The following SETD5 variants were observed in gnomAD, a reference collection of about 807,000 sequenced individuals.
The protein encoded by SETD5 is SET domain containing 5, also known as histone-lysine N-methyltransferase SETD5.
SETD5 carries 44 observed loss-of-function variants against 153.3 expected under a neutral mutation model. The observed-to-expected ratio is 0.29, with a 90% confidence interval of 0.23 to 0.37. The LOEUF is 0.37. SETD5 is among the 10% of genes least tolerant of loss of function. The pLI is 1.00. For missense variants in SETD5, 1,544 were observed against 1,768.0 expected (o/e 0.87, Z 2.27); for synonymous variants, 716 against 645.2 (o/e 1.11, Z -1.66).
At chr3:9,413,305 A>C (rs757640133) in intron 1 of SETD5, among the ~76,000 whole-genome samples, 1 of 152,230 alleles carries the variant, frequency 6.6e-6, no homozygotes, top group Non-Finnish European at 1.5e-5. Flanking sequence ...CCTGAAGAGA[A>C]GATTGAGGAA....
Position 9,448,016 on chromosome 3 carries a change from A to G in SETD5, c.2103+10A>G, listed in dbSNP as rs760051406. ...CCCCAAAACCAAAAAGGTAAGTCAC[A>G]AATGCATCCTTTATAAGTCCAGTCT... On this transcript the variant is annotated intron_variant, in intron 15 of 22. Transcript: ENST00000402198. The G allele has an allele frequency of 4.4e-6, 7 of 1,607,810 alleles. No homozygotes were observed. The highest frequency in any genetic ancestry group is 1.6e-4 in the Middle Eastern group (1 of 6,066).
chr3:9,464,569 C>T lies in SETD5; in HGVS notation c.2621C>T (p.Ser874Phe). 1 of 1,614,014 alleles carries T rather than the reference C, an allele frequency of 6.2e-7. No individual in the cohort carries two copies. The highest frequency in any genetic ancestry group is 8.5e-7 in the Non-Finnish European group (1 of 1,179,896). ...CCCCAGCTGGCCACACCTGGCTCAT[C>T]TCACCCAGGAGAAGAGGAGTGTCGA... Reference protein sequence around the residue: ...KSPQLATPGSSHPGEEECRNG... With the variant: ...KSPQLATPGSFHPGEEECRNG... Residue 874 changes from serine to phenylalanine, a missense_variant, in exon 18 of 23, where the codon TCT (serine) becomes TTT (phenylalanine). By Grantham distance (155) the Ser-to-Phe change is radical (BLOSUM62 -2). This residue lies in a region of SETD5 where 782 missense variants were observed against 787.2 expected (regional missense o/e 0.99). Transcript: ENST00000402198.
intron 9 of SETD5, 109 bp from the exon 10 acceptor site, chr3:9,442,019 G>T (rs751389562): frequency 2.5e-6 from 2 of 787,418 alleles, no homozygotes; most frequent in African/African-American, 1.7e-5. Context: ...AAGTTTAGGC[G>T]TTGCAAAAGA....
intron 7 of SETD5, among the ~76,000 whole-genome samples, chr3:9,439,521 AATC>A (rs1437793752): frequency 6.6e-6 from 1 of 152,216 alleles, no homozygotes; most frequent in South Asian, 2.1e-4. Flanking sequence ...TTTTCCTTCT[AATC>A]ATCACTAGCA....
At chr3:9,425,325 A>C (rs1343224132) in intron 2 of SETD5, among the ~76,000 whole-genome samples, 6 of 151,848 alleles carry the variant, frequency 4.0e-5, no homozygotes, top group Non-Finnish European at 8.8e-5. Context: ...CAGCCTCCCA[A>C]AGTGTTGGAA....
chr3:9,448,506 G>A lies in SETD5; in HGVS notation c.2222G>A (p.Gly741Asp), dbSNP rs1363221551. Residue 741 changes from glycine to aspartate, a missense_variant, in exon 16 of 23, where the codon GGT (glycine) becomes GAT (aspartate). By Grantham distance (94) the Gly-to-Asp change is moderately conservative. Around this residue, in one of 9 missense-constraint regions of SETD5, gnomAD observed 782 missense variants for 787.2 expected, o/e 0.99. Transcript: ENST00000402198. Reference sequence around the variant, plus strand: ...GCAACGACCCTAAACATGTTACCAGGTCTTATCCATTCCCCGTTAATTTGC... The same window carrying A: ...GCAACGACCCTAAACATGTTACCAGATCTTATCCATTCCCCGTTAATTTGC... ...VLATTLNMLP[G>D]LIHSPLICTT... 1.2e-6 allele frequency: 2 copies of A among 1,613,890 alleles called. No homozygotes were observed. Among genetic ancestry groups the A allele is most frequent in the Non-Finnish European group, 1.7e-6 (2 of 1,179,880 alleles).
At chr3:9,443,872 T>C (rs2041607249) in intron 11 of SETD5, among the ~76,000 whole-genome samples, 1 of 152,152 alleles carries the variant, frequency 6.6e-6, no homozygotes, top group Non-Finnish European at 1.5e-5. Context: ...GAGACCATCC[T>C]GGCCAATGAT....
chr3:9,432,801 A>T (rs977280777), intron 3 of SETD5, among the ~76,000 whole-genome samples: 2 of 152,228 alleles, frequency 1.3e-5, no homozygotes, highest in African/African-American at 2.4e-5. Flanking sequence ...TTGCGCTTGA[A>T]TAGTTTATTT....
chr3:9,474,822 C>T, intron 21 of SETD5: 1 of 634,480 alleles, frequency 1.6e-6, no homozygotes. Flanking sequence ...CTCATCTCTC[C>T]AAAGTCCTGG....
intron 17 of SETD5, among the ~76,000 whole-genome samples, chr3:9,456,588 A>G (rs990592413): frequency 6.6e-6 from 1 of 152,200 alleles, no homozygotes; most frequent in Admixed American, 6.5e-5. Flanking sequence ...AAAGTTCTCA[A>G]TATAGTATCA....
At chr3:9,431,126 T>A in intron 3 of SETD5, 1 of 985,468 alleles carries the variant, frequency 1.0e-6, no homozygotes, top group Non-Finnish European at 1.2e-6. Flanking sequence ...CATAGAATTT[T>A]AAATCTGATG....
intron 2 of SETD5, among the ~76,000 whole-genome samples, chr3:9,426,650 C>G (rs1000808647): frequency 6.6e-6 from 1 of 152,252 alleles, no homozygotes; most frequent in African/African-American, 2.4e-5. Context: ...ACCTTGGCCT[C>G]CCAAAATGCT....
chr3:9,473,253 C>T lies in SETD5; in HGVS notation c.3213C>T (p.Tyr1071=), dbSNP rs1378561252. Residue 1071 remains tyrosine, a synonymous_variant, in exon 20 of 23, where the codon TAC becomes TAT. Transcript: ENST00000402198. ...PQRKKVSLLE[Y]RKRKQEAKEN... ...CTTTCTAGGTATCCCTGCTGGAGTA[C>T]CGAAAACGGAAACAAGAAGCTAAGG... The T allele has an allele frequency of 6.2e-7, 1 of 1,613,128 alleles. No homozygotes were observed. Among genetic ancestry groups the T allele is most frequent in the East Asian group, 2.2e-5 (1 of 44,860 alleles).
At chr3:9,433,475 A>C (rs946882843) in intron 3 of SETD5, 1 of 1,290,240 alleles carries the variant, frequency 7.8e-7, no homozygotes, top group African/African-American at 1.5e-5. Flanking sequence ...GGTTTCATGG[A>C]AGTATTAAGA....
rs1319163607 is a variant in SETD5, at chr3:9,447,154, A to G, written c.1629A>G (p.Val543=). Residue 543 remains valine (V), a synonymous_variant, in exon 14 of 23, where the codon GTA becomes GTG. Transcript: ENST00000402198. ...DQPLEQSNSD[V]EITTTTSETP... ...CCTTGGAACAGAGCAACTCTGATGT[A>G]GAGATTACTACAACCACCTCAGAGA... is the stretch of plus-strand genomic sequence containing the variant. 1 of 1,614,030 alleles carries G rather than the reference A, an allele frequency of 6.2e-7. No individual in the cohort carries two copies. The highest frequency in any genetic ancestry group is 1.1e-5 in the South Asian group (1 of 91,084).
At chr3:9,444,759 C>G (rs1215994350) in intron 11 of SETD5, among the ~76,000 whole-genome samples, 1 of 151,986 alleles carries the variant, frequency 6.6e-6, no homozygotes, top group African/African-American at 2.4e-5. Context: ...GGCGTGTAGT[C>G]CCAGCTACTC....
At chr3:9,409,543 T>C (rs1055073464) in intron 1 of SETD5, among the ~76,000 whole-genome samples, 1 of 152,194 alleles carries the variant, frequency 6.6e-6, no homozygotes, top group African/African-American at 2.4e-5. Flanking sequence ...CTCACTTGTT[T>C]CCTTGCTTCC....
At chr3:9,475,189 G>A (rs1336602777) in intron 22 of SETD5, 33 bp downstream of exon 22, 1 of 1,549,686 alleles carries the variant, frequency 6.5e-7, no homozygotes, top group South Asian at 1.2e-5. Flanking sequence ...TCTAGCCATA[G>A]GAGTGTGTTC....
intron 7 of SETD5, 42 bp from the exon 8 acceptor site, chr3:9,440,414 A>G (rs1157324276): frequency 2.8e-6 from 3 of 1,063,172 alleles, no homozygotes; most frequent in Non-Finnish European, 4.4e-6. Flanking sequence ...CCCTCTATTT[A>G]TGCATGGACT....
Sources: allele counts gnomAD v4.1 joint callset (sites outside exome capture counted in the v4.1 genomes callset), GRCh38; gene constraint gnomAD v4.1.1; regional missense constraint gnomAD v4.1.1; transcripts MANE v1.5; gene names NCBI Gene and HGNC (gene_info 2026-07-23, HGNC 2026-07-21).